IQSEC3: variants seen among roughly 807,000 people sequenced by gnomAD.
IQSEC3 encodes the protein IQ motif and SEC7 domain-containing protein 3.
In IQSEC3, 50 loss-of-function variants were observed where a neutral mutation model predicts 105.4. The ratio of observed to expected loss-of-function variants is 0.47; its 90% CI spans 0.38 to 0.60. IQSEC3 has a LOEUF of 0.60. IQSEC3 is among the 20% of genes least tolerant of loss of function. IQSEC3 has a pLI of 0.00. For missense variants in IQSEC3, 1,415 were observed against 1,630.0 expected, an observed-to-expected ratio of 0.87 and a Z score of 2.27; for synonymous variants, 708 against 746.0, an observed-to-expected ratio of 0.95 and a Z score of 0.83.
chr12:79,669 C>A (rs1363236814), intron 1 of IQSEC3, among the ~76,000 whole-genome samples: 1 of 152,096 alleles, frequency 6.6e-6, no homozygotes, highest in Non-Finnish European at 1.5e-5. Context: ...TGGCCTCAAG[C>A]AATCTTCCCA....
intron 13 of IQSEC3, among the ~76,000 whole-genome samples, chr12:171,907 C>A (rs573907112): frequency 1.3e-5 from 2 of 152,216 alleles, no homozygotes; most frequent in South Asian, 4.1e-4. Flanking sequence ...GAAGACCCAG[C>A]AGCAGCTGGT....
chr12:94,366 G>T (rs1555074252), intron 1 of IQSEC3, among the ~76,000 whole-genome samples: 1 of 152,234 alleles, frequency 6.6e-6, no homozygotes, highest in South Asian at 2.1e-4. Context: ...CCCAGGTCAG[G>T]AAACTTAGAC....
rs577644505 is a variant in IQSEC3 at position 129,310 on chromosome 12, C to T, written c.903+3398C>T. 2.7e-4 allele frequency among the ~76,000 whole-genome samples: 41 copies of T among 152,326 alleles called. No individual in the cohort carries two copies. The South Asian group carries it at 7.7e-3, about 28-fold the overall frequency. On this transcript the variant is annotated intron_variant, in intron 3 of 13. Coordinates refer to ENST00000538872, the MANE Select transcript of IQSEC3 (RefSeq NM_001170738.2). ...CTGTCCTGTCCTTGCCCATCTTTGCCGCCCTGCACCTTGCACAGTCTTGGG... is the reference window on the plus strand; with the variant it reads ...CTGTCCTGTCCTTGCCCATCTTTGCTGCCCTGCACCTTGCACAGTCTTGGG...
Position 138,418 on chromosome 12 carries a change from C to G in IQSEC3, c.1055C>G (p.Ser352Cys), listed in dbSNP as rs1555087147. Residue 352 changes from serine to cysteine, a missense_variant, in exon 4 of 14, where the codon TCC becomes TGC. Coordinates refer to ENST00000538872, the MANE Select transcript of IQSEC3 (RefSeq NM_001170738.2). This position sits in a 1 kb window ranked among gnomAD's most constrained non-coding sequence, Gnocchi z 7.1. ...LLESRLPRRI[S>C]LRKVRSPTAE... is the part of the protein sequence containing the mutation. ...GAGAGCCGCCTGCCACGGCGGATCT[C>G]CCTGCGCAAGGTGCGGTCACCCACG... 4 of 1,608,914 alleles carry G rather than the reference C, an allele frequency of 2.5e-6. No individual in the cohort carries two copies. Among genetic ancestry groups the G allele is most frequent in the Non-Finnish European group, 3.4e-6 (4 of 1,179,820 alleles).
chr12:79,252 G>A (rs1863664719), intron 1 of IQSEC3, among the ~76,000 whole-genome samples: 2 of 152,078 alleles, frequency 1.3e-5, no homozygotes, highest in African/African-American at 2.4e-5. Context: ...GCTTTGGATG[G>A]TGGCTAGGGA....
chr12:163,387 G>GACCCCTCCCCTCTTCTCCCTCCACA, intron 8 of IQSEC3, 107 bp from the exon 9 acceptor site: 1 of 1,043,514 alleles, frequency 9.6e-7, no homozygotes, highest in South Asian at 1.8e-5. Flanking sequence ...CACAGAACCG[G>GACCCCTCCCCTCTTCTCCCTCCACA]GCCCCTCCCC....
chr12:90,462 C>T (rs782002929), intron 1 of IQSEC3, among the ~76,000 whole-genome samples: 7 of 152,078 alleles, frequency 4.6e-5, no homozygotes, highest in Non-Finnish European at 7.4e-5. Context: ...ATGGTTTTAT[C>T]TGTTATTTTA....
At chr12:117,456 C>T (rs1019293477) in intron 2 of IQSEC3, among the ~76,000 whole-genome samples, 1 of 152,208 alleles carries the variant, frequency 6.6e-6, no homozygotes, top group African/African-American at 2.4e-5. Context: ...ATGAGGGAGG[C>T]GGTGCCTGAG....
chr12:174,419 T>C (rs1169678552), intron 13 of IQSEC3, among the ~76,000 whole-genome samples, 180 bp from the exon 14 acceptor site: 1 of 151,720 alleles, frequency 6.6e-6, no homozygotes, highest in East Asian at 1.9e-4. Context: ...GACTCCTCTC[T>C]CCCCCCTGGG....
chr12:73,352 T>C (rs1863401005), intron 1 of IQSEC3, among the ~76,000 whole-genome samples: 2 of 152,284 alleles, frequency 1.3e-5, no homozygotes, highest in African/African-American at 4.8e-5. Flanking sequence ...GTCGTAAAGT[T>C]GTAAAAATTA....
chr12:125,518 G>T, intron 2 of IQSEC3, 115 bp from the exon 3 acceptor site: 1 of 1,091,768 alleles, frequency 9.2e-7, no homozygotes. Flanking sequence ...ACCCCCTCCA[G>T]TCCTTGCCAC....
At chr12:79,859 T>G (rs2136880755) in intron 1 of IQSEC3, among the ~76,000 whole-genome samples, 1 of 152,292 alleles carries the variant, frequency 6.6e-6, no homozygotes. Flanking sequence ...CTCACGTCTT[T>G]CCAGCTATAT....
At position 165,782 on chromosome 12, in the gene IQSEC3, C is replaced by A. The variant is rs1555098212; in HGVS notation, c.2863C>A (p.Gln955Lys). ...CCCGCTCTCGGGCTCCGAGAAGAAG[C>A]AGGTGCTGCATTTCTGTGCCCTGGG... ...VTPLSGSEKK[Q>K]VLHFCALGSD... The change falls in exon 11 of 14, where the codon CAG becomes AAG. Residue 955 changes from glutamine (Q) to lysine (K), a missense_variant. By Grantham distance (53) the Gln-to-Lys change is moderately conservative. Around this residue, in one of 6 missense-constraint regions of IQSEC3, gnomAD observed 419 missense variants for 436.2 expected, o/e 0.96. Coordinates refer to ENST00000538872, the MANE Select transcript of IQSEC3 (RefSeq NM_001170738.2). 6.2e-7 allele frequency: 1 copy of A among 1,613,918 alleles called. No individual in the cohort carries two copies.
At chr12:89,506 T>A (rs529753028) in intron 1 of IQSEC3, among the ~76,000 whole-genome samples, 2 of 152,348 alleles carry the variant, frequency 1.3e-5, no homozygotes, top group Admixed American at 1.3e-4. Flanking sequence ...TTTACATGTA[T>A]AACTTGATGA....
At chr12:154,943 C>A (rs916747358) in intron 5 of IQSEC3, among the ~76,000 whole-genome samples, 1 of 142,378 alleles carries the variant, frequency 7.0e-6, no homozygotes, top group African/African-American at 2.9e-5. Flanking sequence ...CTGGCCCACA[C>A]GCTCTGACCC....
chr12:102,167 CGTCA>C (rs782561690), intron 2 of IQSEC3, among the ~76,000 whole-genome samples: 3 of 147,978 alleles, frequency 2.0e-5, no homozygotes, highest in Non-Finnish European at 3.0e-5. Flanking sequence ...GGCTCCTCCC[CGTCA>C]GTCTGGCTCC....
intron 2 of IQSEC3, among the ~76,000 whole-genome samples, chr12:102,872 C>A (rs147193849): frequency 7.3e-4 from 111 of 152,306 alleles, no homozygotes; most frequent in African/African-American, 2.6e-3. Context: ...GAAAGCCCTG[C>A]GAAGCTGGAT....
intron 5 of IQSEC3, among the ~76,000 whole-genome samples, chr12:145,640 C>T (rs563959697): frequency 2.6e-5 from 4 of 152,308 alleles, no homozygotes; most frequent in African/African-American, 4.8e-5. Context: ...TGAGGAAGCC[C>T]GGTCCAGAAG....
chr12:160,157 T>C (rs1866834837), intron 7 of IQSEC3, among the ~76,000 whole-genome samples: 1 of 145,990 alleles, frequency 6.8e-6, no homozygotes, highest in Non-Finnish European at 1.5e-5. Flanking sequence ...CCTCTATTTC[T>C]TCTGGAGTCC....
Sources: gnomAD v4.1 joint callset for allele counts (sites outside exome capture counted in the v4.1 genomes callset) on GRCh38, gnomAD v4.1.1 for gene constraint, gnomAD v4.1.1 regional missense constraint, Gnocchi (gnomAD v3.1) non-coding constraint, MANE v1.5 for transcripts, NCBI Gene and HGNC (gene_info 2026-07-23, HGNC 2026-07-21) for gene names.